Variants in CADPS observed in about 807,000 individuals in gnomAD.
The protein encoded by CADPS is calcium-dependent secretion activator 1.
A neutral mutation model predicts 167.3 loss-of-function variants in CADPS; 57 were observed. The observed-to-expected ratio is 0.34, with a 90% CI of 0.28 to 0.42. The LOEUF (loss-of-function observed/expected upper bound fraction) is 0.42, where lower values mean the gene tolerates loss of function less well. Among genes scored for constraint, CADPS ranks in the 20% least tolerant of loss-of-function variants. The pLI is 1.00. For synonymous variants in CADPS, 676 were observed against 635.3 expected (o/e 1.06, Z -0.96); for missense variants, 1,414 against 1,738.1 (o/e 0.81, Z 3.32).
intron 4 of CADPS, among the ~76,000 whole-genome samples, chr3:62,655,311 G>A (rs1436288753): frequency 6.6e-6 from 1 of 152,252 alleles, no homozygotes; most frequent in Admixed American, 6.5e-5. Flanking sequence ...AAATGCAGTC[G>A]TCCATCTCCA....
chr3:62,654,773 G>T (rs1249356906), intron 4 of CADPS, among the ~76,000 whole-genome samples: 1 of 152,146 alleles, frequency 6.6e-6, no homozygotes. Context: ...TGGTGTGGGT[G>T]GGGGAACTTG....
At chr3:62,414,477 A>G (rs1378407751) in intron 28 of CADPS, among the ~76,000 whole-genome samples, 1 of 152,254 alleles carries the variant, frequency 6.6e-6, no homozygotes, top group African/African-American at 2.4e-5. Context: ...TACGTGGAAC[A>G]GTTATACTAA....
At chr3:62,661,777 C>T (rs941245095) in intron 4 of CADPS, among the ~76,000 whole-genome samples, 1 of 152,002 alleles carries the variant, frequency 6.6e-6, no homozygotes, top group Non-Finnish European at 1.5e-5. Flanking sequence ...GATCAAAGCA[C>T]CAGTAGTAGG....
chr3:62,701,804 A>G (rs972819793), intron 3 of CADPS, among the ~76,000 whole-genome samples: 2 of 152,058 alleles, frequency 1.3e-5, no homozygotes, highest in African/African-American at 4.8e-5. Context: ...TGGTTTGCTC[A>G]TTTATCCATA....
intron 16 of CADPS, among the ~76,000 whole-genome samples, chr3:62,513,157 A>G (rs1482931362): frequency 6.6e-6 from 1 of 152,122 alleles, no homozygotes; most frequent in South Asian, 2.1e-4. Flanking sequence ...GAGGCATATA[A>G]GATCTAATTT....
chr3:62,439,074 T>C (rs1339109312), intron 27 of CADPS: 1 of 152,016 alleles, frequency 6.6e-6, no homozygotes, highest in Non-Finnish European at 1.5e-5. Flanking sequence ...AAGAAACCTA[T>C]TAAAACACTG....
chr3:62,602,474 AAG>A lies in CADPS; in HGVS notation c.1326-9728_1326-9727del, dbSNP rs1180717150. On this transcript the variant is annotated intron_variant, in intron 6 of 29. Coordinates refer to ENST00000383710, the MANE Select transcript of CADPS (RefSeq NM_003716.4). This position sits in a 1 kb window ranked among gnomAD's most constrained non-coding sequence, Gnocchi z 4.4. The stretch of plus-strand genomic sequence containing the variant: ...ATGAAAGTGCCGTGGTCCTGTTGCT[AAG>A]AAGGAAAGTTAATAATTGCCTGGAG... Among the ~76,000 whole-genome samples the A allele has an allele frequency of 6.6e-6, 1 of 152,132 alleles. No homozygotes were observed. Among genetic ancestry groups the A allele is most frequent in the Admixed American group, 6.6e-5 (1 of 15,260 alleles).
chr3:62,695,912 T>C (rs1283971753), intron 3 of CADPS, among the ~76,000 whole-genome samples: 1 of 152,134 alleles, frequency 6.6e-6, no homozygotes, highest in African/African-American at 2.4e-5. Flanking sequence ...TTCAAGTTAG[T>C]ATATAAGCTT....
intron 3 of CADPS, among the ~76,000 whole-genome samples, chr3:62,692,527 G>A (rs1472103529): frequency 6.6e-6 from 1 of 152,038 alleles, no homozygotes; most frequent in Non-Finnish European, 1.5e-5. Flanking sequence ...TAAAACTTAT[G>A]CATATATTAT....
At chr3:62,587,853 C>T (rs1473301655) in intron 7 of CADPS, among the ~76,000 whole-genome samples, 2 of 152,210 alleles carry the variant, frequency 1.3e-5, no homozygotes, top group South Asian at 2.1e-4. Flanking sequence ...TCTTTGCCCC[C>T]ACCCTGCCAT....
At chr3:62,717,026 A>T (rs2084800107) in intron 3 of CADPS, among the ~76,000 whole-genome samples, 1 of 152,206 alleles carries the variant, frequency 6.6e-6, no homozygotes, top group Admixed American at 6.5e-5. Flanking sequence ...GTGGCAGGGC[A>T]GTTTTCTCTG....
At chr3:62,405,917 G>A (rs1316817723) in intron 28 of CADPS, among the ~76,000 whole-genome samples, 1 of 152,178 alleles carries the variant, frequency 6.6e-6, no homozygotes, top group Non-Finnish European at 1.5e-5. Context: ...AGGAGGCAAT[G>A]CCTTCTAGAA....
chr3:62,620,678 C>T (rs554602352), intron 6 of CADPS, among the ~76,000 whole-genome samples: 117 of 152,246 alleles, frequency 7.7e-4, no homozygotes, highest in African/African-American at 2.7e-3. Context: ...CTTCAGAGTC[C>T]TTTTTGAAAA....
intron 13 of CADPS, among the ~76,000 whole-genome samples, chr3:62,531,269 T>G (rs1448570992): frequency 6.6e-6 from 1 of 152,116 alleles, no homozygotes; most frequent in Non-Finnish European, 1.5e-5. Context: ...CAAGAGGCTG[T>G]AACAGATAGT....
chr3:62,812,830 T>C (rs1182032446), intron 1 of CADPS, among the ~76,000 whole-genome samples: 1 of 152,184 alleles, frequency 6.6e-6, no homozygotes, highest in Non-Finnish European at 1.5e-5. Context: ...GATTTATTTA[T>C]ATATGTGTAA....
chr3:62,591,190 G>A (rs1435410236), intron 7 of CADPS, among the ~76,000 whole-genome samples: 4 of 152,166 alleles, frequency 2.6e-5, no homozygotes, highest in African/African-American at 7.2e-5. Flanking sequence ...TATGTGCTGG[G>A]CTCTGGGTAT....
chr3:62,804,408 G>C (rs2093961767), intron 1 of CADPS, among the ~76,000 whole-genome samples: 2 of 152,084 alleles, frequency 1.3e-5, no homozygotes, highest in African/African-American at 4.8e-5. Flanking sequence ...GGGTAGAATA[G>C]GGCTGAGTTG....
intron 3 of CADPS, among the ~76,000 whole-genome samples, chr3:62,712,030 T>C (rs1182448248): frequency 6.6e-6 from 1 of 152,216 alleles, no homozygotes; most frequent in Non-Finnish European, 1.5e-5. Context: ...GACATCTTTC[T>C]ATTTCAGGAG....
chr3:62,712,464 A>G (rs2083584080), intron 3 of CADPS, among the ~76,000 whole-genome samples: 1 of 152,168 alleles, frequency 6.6e-6, no homozygotes, highest in Non-Finnish European at 1.5e-5. Context: ...AACTTTTTTC[A>G]TATGCTTGTT....
Sources: gnomAD v4.1 joint callset for allele counts (sites outside exome capture counted in the v4.1 genomes callset) on GRCh38, gnomAD v4.1.1 for gene constraint, Gnocchi (gnomAD v3.1) non-coding constraint, MANE v1.5 for transcripts, NCBI Gene and HGNC (gene_info 2026-07-23, HGNC 2026-07-21) for gene names.